DLG2: variants seen among roughly 807,000 people sequenced by gnomAD.
DLG2 encodes the protein discs large MAGUK scaffold protein 2.
A neutral mutation model predicts 132.5 loss-of-function variants in DLG2; 45 were observed. The ratio of observed to expected loss-of-function variants is 0.34; its 90% confidence interval spans 0.27 to 0.44. The LOEUF (loss-of-function observed/expected upper bound fraction) is 0.44. DLG2 is among the 20% of genes least tolerant of loss of function. The pLI is 1.00. For synonymous variants in DLG2, 424 were observed against 419.6 expected (o/e 1.01, Z -0.13); for missense variants, 1,045 against 1,196.9 (o/e 0.87, Z 1.87).
intron 19 of DLG2, among the ~76,000 whole-genome samples, chr11:83,604,002 G>A (rs879615866): frequency 2.6e-5 from 4 of 152,124 alleles, no homozygotes; most frequent in Non-Finnish European, 4.4e-5. Context: ...CTGCTGGTAT[G>A]AGTAGCTAAA....
At chr11:84,179,751 C>G (rs895232058) in intron 8 of DLG2, among the ~76,000 whole-genome samples, 1 of 152,028 alleles carries the variant, frequency 6.6e-6, no homozygotes, top group African/African-American at 2.4e-5. Flanking sequence ...GGGGTTTTAC[C>G]AGGGCCTAAC....
At position 83,754,047 on chromosome 11, in the gene DLG2, A is replaced by G. The variant is rs200726094; in HGVS notation, c.1825+32643T>C. ...CCCCATCCCCAATTCCCCAGTGCAC[A>G]TAAACAATGCTTTTGCCCTAAACAT... is the stretch of plus-strand genomic sequence containing the variant. On this transcript the variant is annotated intron_variant, in intron 18 of 27. Coordinates refer to ENST00000376104, the MANE Select transcript of DLG2 (RefSeq NM_001142699.3). 1.3e-4 allele frequency among the ~76,000 whole-genome samples: 19 copies of G among 150,002 alleles called. No individual in the cohort carries two copies. In the East Asian group the frequency reaches 1.4e-3, roughly 11 times the overall value.
At chr11:84,799,271 T>C (rs2075069443) in intron 6 of DLG2, among the ~76,000 whole-genome samples, 1 of 152,324 alleles carries the variant, frequency 6.6e-6, no homozygotes, top group Non-Finnish European at 1.5e-5. Flanking sequence ...TCTCTTGCTG[T>C]TCTGGTCCAG....
chr11:85,141,789 T>C (rs1396680138), intron 5 of DLG2, among the ~76,000 whole-genome samples: 3 of 151,752 alleles, frequency 2.0e-5, no homozygotes, highest in Non-Finnish European at 3.0e-5. Flanking sequence ...CCAGTTTTCC[T>C]GGCACAATTT....
intron 6 of DLG2, among the ~76,000 whole-genome samples, chr11:84,746,993 A>G (rs2065457367): frequency 6.6e-6 from 1 of 152,168 alleles, no homozygotes; most frequent in South Asian, 2.1e-4. Context: ...CATTTTATAG[A>G]TCTCCAAATG....
chr11:83,617,532 A>G (rs2061010179), intron 19 of DLG2, among the ~76,000 whole-genome samples: 1 of 152,168 alleles, frequency 6.6e-6, no homozygotes, highest in African/African-American at 2.4e-5. Context: ...CTATCTAGTT[A>G]TTTTGAATTT....
intron 15 of DLG2, among the ~76,000 whole-genome samples, chr11:83,897,784 A>T (rs181494577): frequency 6.6e-6 from 1 of 152,186 alleles, no homozygotes; most frequent in Non-Finnish European, 1.5e-5. Flanking sequence ...TCATGGTGGG[A>T]ACTGATAGAA....
chr11:84,524,388 T>C (rs1052168384), intron 7 of DLG2, among the ~76,000 whole-genome samples: 1 of 152,210 alleles, frequency 6.6e-6, no homozygotes, highest in African/African-American at 2.4e-5. Context: ...TTAAAGATAA[T>C]TGAGGAAAGG....
At chr11:83,669,931 T>G (rs1450576999) in intron 18 of DLG2, among the ~76,000 whole-genome samples, 1 of 152,216 alleles carries the variant, frequency 6.6e-6, no homozygotes, top group Non-Finnish European at 1.5e-5. Flanking sequence ...AAAGATAGTT[T>G]AAAACCAAAT....
chr11:85,487,990 C>T (rs953941218), intron 3 of DLG2, among the ~76,000 whole-genome samples: 1 of 152,144 alleles, frequency 6.6e-6, no homozygotes, highest in African/African-American at 2.4e-5. Flanking sequence ...GGGTGGTTTC[C>T]CCATACTGCT....
intron 7 of DLG2, among the ~76,000 whole-genome samples, chr11:84,369,218 A>T (rs557880522): frequency 1.3e-5 from 2 of 152,180 alleles, no homozygotes; most frequent in East Asian, 3.9e-4. Flanking sequence ...ATGAAAAAAA[A>T]ATAGAGAGCT....
intron 20 of DLG2, among the ~76,000 whole-genome samples, chr11:83,533,694 C>T (rs1376766710): frequency 6.6e-6 from 1 of 152,126 alleles, no homozygotes; most frequent in South Asian, 2.1e-4. Context: ...TACAAGATTG[C>T]AGAAAGATTC....
intron 7 of DLG2, among the ~76,000 whole-genome samples, chr11:84,333,804 A>C (rs2098471824): frequency 6.6e-6 from 1 of 152,224 alleles, no homozygotes; most frequent in Admixed American, 6.5e-5. Context: ...CTGGGAATTA[A>C]TTTATTCTAA....
At chr11:84,933,188 A>C (rs1169182243) in intron 6 of DLG2, among the ~76,000 whole-genome samples, 1 of 151,966 alleles carries the variant, frequency 6.6e-6, no homozygotes, top group Non-Finnish European at 1.5e-5. Flanking sequence ...GTAGGTGTTC[A>C]GTCTTATTTC....
At chr11:83,790,474 C>T (rs2153898511) in intron 17 of DLG2, 1 of 1,218,026 alleles carries the variant, frequency 8.2e-7, no homozygotes, top group East Asian at 2.3e-5. Context: ...AGGCTTGTCA[C>T]TACCATGGGA....
chr11:84,921,111 G>A (rs2092734492), intron 6 of DLG2, among the ~76,000 whole-genome samples: 1 of 151,880 alleles, frequency 6.6e-6, no homozygotes, highest in African/African-American at 2.4e-5. Context: ...TAAAACAAAA[G>A]TCAAAATAGA....
chr11:84,114,827 A>ATTTTTTTTTT (rs11376031), intron 9 of DLG2, among the ~76,000 whole-genome samples: 1 of 140,312 alleles, frequency 7.1e-6, no homozygotes, highest in African/African-American at 2.7e-5. Flanking sequence ...AAGCCTGGCT[A>ATTTTTTTTTT]TTTTTTTTTT....
chr11:83,582,201 C>A (rs578199571), intron 19 of DLG2, among the ~76,000 whole-genome samples: 1 of 152,112 alleles, frequency 6.6e-6, no homozygotes, highest in South Asian at 2.1e-4. Flanking sequence ...GATGATCTGC[C>A]CACCTTGGCC....
chr11:84,959,612 T>C (rs546639297), intron 6 of DLG2, among the ~76,000 whole-genome samples: 1 of 152,296 alleles, frequency 6.6e-6, no homozygotes, highest in South Asian at 2.1e-4. Context: ...CTTAAAAAAA[T>C]AAAATAATTG....
Sources: allele counts gnomAD v4.1 joint callset (sites outside exome capture counted in the v4.1 genomes callset), GRCh38; gene constraint gnomAD v4.1.1; transcripts MANE v1.5; gene names NCBI Gene and HGNC (gene_info 2026-07-23, HGNC 2026-07-21).